Variants in EVI5L observed in about 807,000 individuals in gnomAD.
The protein encoded by EVI5L is ecotropic viral integration site 5 like.
EVI5L carries 30 observed loss-of-function variants against 106.1 expected under a neutral mutation model. The observed-to-expected ratio is 0.28, with a 90% CI of 0.21 to 0.38. EVI5L has a LOEUF of 0.38. EVI5L is among the 10% of genes least tolerant of loss of function. The pLI, the probability that EVI5L is intolerant of heterozygous loss-of-function variation, is 1.00. For missense variants in EVI5L, 809 were observed against 1,098.0 expected (o/e 0.74, Z 3.72); for synonymous variants, 489 against 483.3 (o/e 1.01, Z -0.15).
In EVI5L at chr19:7,864,006, G is replaced by T. The variant is rs1951863697; in HGVS notation, c.*304G>T. 1.6e-5 allele frequency: 6 copies of T among 371,238 alleles called. No individual in the cohort carries two copies. Among genetic ancestry groups the T allele is most frequent in the Admixed American group, 9.4e-5 (2 of 21,274 alleles). The allele number at this position is 371,238 out of a possible 1,614,324, so 23.0% of individuals were successfully genotyped here. A position where few individuals can be genotyped will look rare whatever the true frequency, so the allele number is the denominator to read the frequency against. On this transcript the variant is annotated 3_prime_UTR_variant, in exon 20 of 20. Transcript: ENST00000538904. This position sits in a 1 kb window ranked among gnomAD's most constrained non-coding sequence, Gnocchi z 4.5. ...TGCTCTCTTAACAGGAGGGCAGAGGGCAGGGGACAGACGACCCAGAGGTCC... is the reference window on the plus strand; with the variant it reads ...TGCTCTCTTAACAGGAGGGCAGAGGTCAGGGGACAGACGACCCAGAGGTCC...
intron 1 of EVI5L, among the ~76,000 whole-genome samples, chr19:7,843,025 CGT>C (rs536953317): frequency 4.0e-4 from 58 of 143,642 alleles, no homozygotes; most frequent in Middle Eastern, 4.2e-3. Flanking sequence ...GGTGTGTGAG[CGT>C]GTGTGTGAGA....
In EVI5L at chr19:7,857,367, C is replaced by T. The variant is rs1979579652; in HGVS notation, c.1233+243C>T. The T allele has an allele frequency of 1.6e-6, 1 of 610,138 alleles. No individual in the cohort carries two copies. Among genetic ancestry groups the T allele is most frequent in the Non-Finnish European group, 2.9e-6 (1 of 344,392 alleles). The allele number at this position is 610,138 out of a possible 1,614,324, so 37.8% of individuals were successfully genotyped here. On this transcript the variant is annotated intron_variant, in intron 12 of 19. Coordinates refer to ENST00000538904, the MANE Select transcript of EVI5L (RefSeq NM_001159944.3). This position sits in a 1 kb window ranked among gnomAD's most constrained non-coding sequence, Gnocchi z 4.5. ...GCGTTTGGGTGTGAATGTCCACATG[C>T]ATGTACAGAAAGCTTCCTCCGGGCG...
Position 7,845,757 on chromosome 19 carries a change from G to A in EVI5L, c.-47-739G>A, listed in dbSNP as rs921807413. On this transcript the variant is annotated intron_variant, in intron 1 of 19. Coordinates refer to ENST00000538904, the MANE Select transcript of EVI5L (RefSeq NM_001159944.3). The surrounding 1 kb of genome is among the most constrained non-coding windows in gnomAD (Gnocchi z 4.0). ...TCCTTGAAGCCCCCAGAAGGGTCGG[G>A]CCAGATGACACGGCAAAAAGATAGG... Among the ~76,000 whole-genome samples, 6 of 152,190 alleles carry A rather than the reference G, an allele frequency of 3.9e-5. No homozygotes were observed. The highest frequency in any genetic ancestry group is 2.9e-5 in the Non-Finnish European group (2 of 68,032).
chr19:7,851,790 G>T lies in EVI5L; in HGVS notation c.987+20G>T. 1.3e-6 allele frequency: 2 copies of T among 1,486,458 alleles called. No individual in the cohort carries two copies. Among genetic ancestry groups the T allele is most frequent in the African/African-American group, 2.8e-5 (2 of 70,516 alleles). 92.1% of individuals were successfully genotyped at this position (1,486,458 alleles called of 1,614,324 possible). On this transcript the variant is annotated intron_variant, in intron 8 of 19. Coordinates refer to ENST00000538904, the MANE Select transcript of EVI5L (RefSeq NM_001159944.3). Reference sequence around the variant, plus strand: ...TCCCAGGTGGGCCGGGAGGGCCAGGGCCGGTGGGGCTGCCCCCAATCAGGG... The same window carrying T: ...TCCCAGGTGGGCCGGGAGGGCCAGGTCCGGTGGGGCTGCCCCCAATCAGGG...
chr19:7,858,172 C>A lies in EVI5L; in HGVS notation c.1234-19C>A. The A allele has an allele frequency of 7.7e-6, 12 of 1,551,010 alleles. No individual in the cohort carries two copies. Among genetic ancestry groups the A allele is most frequent in the East Asian group, 2.4e-5 (1 of 41,320 alleles). On this transcript the variant is annotated intron_variant, in intron 12 of 19. Coordinates refer to ENST00000538904, the MANE Select transcript of EVI5L (RefSeq NM_001159944.3). The surrounding 1 kb of genome is among the most constrained non-coding windows in gnomAD (Gnocchi z 5.7). ...GAGGGTCACGGCCTCCCCCTGCCCC[C>A]TGTCCTCGCTGTTCTCAGGGGCAAG...
At chr19:7,851,315 C>A in intron 6 of EVI5L, 119 bp from the exon 7 acceptor site, 2 of 1,271,398 alleles carry the variant, frequency 1.6e-6, no homozygotes, top group Non-Finnish European at 2.2e-6. Context: ...GGAAGGGAGC[C>A]TCAGGCTGCC....
In EVI5L at chr19:7,863,896, C is replaced by T. The variant is rs569611024; in HGVS notation, c.*194C>T. 5.7e-5 allele frequency: 41 copies of T among 718,746 alleles called. 1 individual carries two copies. The South Asian group carries it at 9.1e-4, about 16-fold the overall frequency. The allele number at this position is 718,746 out of a possible 1,614,324, so 44.5% of individuals were successfully genotyped here. A position where few individuals can be genotyped will look rare whatever the true frequency, so the allele number is the denominator to read the frequency against. ...GGGCTCCTCAGGGCCCCGGGGCAGG[C>T]TCTCTATCCCCAGCAGTGTTTACCC... On this transcript the variant is annotated 3_prime_UTR_variant, in exon 20 of 20. Transcript: ENST00000538904. The surrounding 1 kb of genome is among the most constrained non-coding windows in gnomAD (Gnocchi z 7.7).
Position 7,850,900 on chromosome 19 carries a change from T to C in EVI5L, c.754-534T>C, listed in dbSNP as rs890651824. Among the ~76,000 whole-genome samples, 2 of 152,200 alleles carry C rather than the reference T, an allele frequency of 1.3e-5. No homozygotes were observed. Among genetic ancestry groups the C allele is most frequent in the African/African-American group, 4.8e-5 (2 of 41,448 alleles). ...ATCCTAACGCCTTCTCCGGCCTCAG[T>C]TTCCCCAGCCGTCTGCCACTTTCTG... On this transcript the variant is annotated intron_variant, in intron 6 of 19. Transcript: ENST00000538904. The surrounding 1 kb of genome is among the most constrained non-coding windows in gnomAD (Gnocchi z 5.4).
chr19:7,830,698 C>T (rs1374370752), intron 1 of EVI5L, among the ~76,000 whole-genome samples: 1 of 146,232 alleles, frequency 6.8e-6, no homozygotes, highest in African/African-American at 2.6e-5. Flanking sequence ...TCTCCGGGAA[C>T]CCCCTCAGGG....
At position 7,851,574 on chromosome 19, in the gene EVI5L, T is replaced by C. The variant is rs1343534227; in HGVS notation, c.894T>C (p.Tyr298=). Residue 298 remains tyrosine (Y), a synonymous_variant, in exon 7 of 20, where the codon TAT becomes TAC. Transcript: ENST00000538904. The part of the protein sequence containing the change: ...VATRVFDIFM[Y]EGLEIVFRVG... Reference sequence around the variant, plus strand: ...CCCGGGTCTTTGACATCTTCATGTATGAGGTGAGGACCGATGGTGCCTGGG... The same window carrying C: ...CCCGGGTCTTTGACATCTTCATGTACGAGGTGAGGACCGATGGTGCCTGGG... The C allele has an allele frequency of 6.2e-7, 1 of 1,612,196 alleles. No homozygotes were observed. Among genetic ancestry groups the C allele is most frequent in the Non-Finnish European group, 8.5e-7 (1 of 1,179,116 alleles).
chr19:7,863,682 A>G lies in EVI5L; in HGVS notation c.2398A>G (p.Ser800Gly). ...CGCCGATGAGCTGGCCGCGCCCTACAGCCAGGGTCTGGACAACTGAGGCCA... is the reference window on the plus strand; with the variant it reads ...CGCCGATGAGCTGGCCGCGCCCTACGGCCAGGGTCTGGACAACTGAGGCCA... ...SDADELAAPY[S>G]QGLDN is the part of the protein sequence containing the mutation. The change falls in exon 20 of 20, where the codon AGC becomes GGC. Residue 800 changes from serine (S) to glycine (G), a missense_variant. Transcript: ENST00000538904. The surrounding 1 kb of genome is among the most constrained non-coding windows in gnomAD (Gnocchi z 7.7). 6.6e-7 allele frequency: 1 copy of G among 1,521,826 alleles called. No individual in the cohort carries two copies. 94.3% of individuals were successfully genotyped at this position (1,521,826 alleles called of 1,614,324 possible).
chr19:7,860,523 A>G (rs778309762), intron 13 of EVI5L, 38 bp from the exon 14 acceptor site: 3 of 1,533,800 alleles, frequency 2.0e-6, no homozygotes, highest in Non-Finnish European at 2.6e-6. Flanking sequence ...TCCCCCAGCC[A>G]TGGCCTGGGG....
chr19:7,837,834 G>T (rs1481731067), intron 1 of EVI5L, among the ~76,000 whole-genome samples: 2 of 152,080 alleles, frequency 1.3e-5, no homozygotes, highest in African/African-American at 2.4e-5. Flanking sequence ...CTCCCAAGTA[G>T]CTGGGATTGC....
chr19:7,862,728 C>T, intron 17 of EVI5L, among the ~76,000 whole-genome samples, 194 bp downstream of exon 17: 1 of 118,742 alleles, frequency 8.4e-6, no homozygotes, highest in African/African-American at 3.1e-5. Context: ...GATCCGGCCC[C>T]GCCTCCTGAC....
At chr19:7,843,725 T>G (rs1978817158) in intron 1 of EVI5L, among the ~76,000 whole-genome samples, 1 of 151,892 alleles carries the variant, frequency 6.6e-6, no homozygotes, top group Non-Finnish European at 1.5e-5. Context: ...AGTGTTTGCA[T>G]GTGTATGTGT....
In EVI5L at chr19:7,861,873, C is replaced by T. The variant is rs776898867; in HGVS notation, c.1504-5C>T. 2.1e-5 allele frequency: 32 copies of T among 1,550,464 alleles called. No individual in the cohort carries two copies. In the Admixed American group the frequency reaches 6.1e-4, roughly 29 times the overall value. ...CCCCAGGCCCTGACCCCACTCTTCC[C>T]GCAGAGGAACAGCTCGCTGCCCGAC... On this transcript the variant is annotated splice_polypyrimidine_tract_variant and splice_region_variant and intron_variant, in intron 14 of 19. Coordinates refer to ENST00000538904, the MANE Select transcript of EVI5L (RefSeq NM_001159944.3).
rs5826986 is a variant in EVI5L, at chr19:7,851,021, TGG to T, written c.754-404_754-403del. Among the ~76,000 whole-genome samples, 515 of 148,196 alleles carry T rather than the reference TGG, an allele frequency of 3.5e-3. 1 individual carries two copies. Among genetic ancestry groups the T allele is most frequent in the African/African-American group, 0.011 (430 of 40,138 alleles). ...GTGGCTGGCAGGTCACGTAACAAGG[TGG>T]GGGGGGGGCTCCCCCCAGGGCCAGA... On this transcript the variant is annotated intron_variant, in intron 6 of 19. Coordinates refer to ENST00000538904, the MANE Select transcript of EVI5L (RefSeq NM_001159944.3).
At chr19:7,842,543 CAA>C (rs891339627) in intron 1 of EVI5L, among the ~76,000 whole-genome samples, 10 of 139,386 alleles carry the variant, frequency 7.2e-5, no homozygotes, top group African/African-American at 2.7e-4. Flanking sequence ...TGGGGTGTAT[CAA>C]GTGTGTGTAT....
intron 9 of EVI5L, 43 bp from the exon 10 acceptor site, chr19:7,853,230 C>A (rs1236803394): frequency 1.2e-6 from 2 of 1,613,874 alleles, no homozygotes; most frequent in Non-Finnish European, 1.7e-6. Context: ...AGGGGGGACC[C>A]CCGAGGGCAT....
Sources: allele counts gnomAD v4.1 joint callset (sites outside exome capture counted in the v4.1 genomes callset), GRCh38; gene constraint gnomAD v4.1.1; non-coding constraint Gnocchi (gnomAD v3.1); transcripts MANE v1.5; gene names NCBI Gene and HGNC (gene_info 2026-07-23, HGNC 2026-07-21).